The following STK31 variants were observed in gnomAD, a reference collection of about 807,000 sequenced individuals.
STK31 encodes serine/threonine-protein kinase 31.
A neutral mutation model predicts 129.7 loss-of-function variants in STK31; 89 were observed. That is an observed-to-expected ratio of 0.69 (90% CI 0.58 to 0.82). STK31 has a LOEUF of 0.82. Among genes scored for constraint, STK31 ranks in the 40% least tolerant of loss-of-function variants. The pLI, the probability that STK31 is intolerant of heterozygous loss-of-function variation, is 0.00. For missense variants in STK31, 1,187 were observed against 1,176.4 expected (o/e 1.01, Z -0.13); for synonymous variants, 448 against 395.3 (o/e 1.13, Z -1.58).
intron 6 of STK31, among the ~76,000 whole-genome samples, chr7:23,731,429 A>AT (rs1459485784): frequency 6.6e-6 from 1 of 152,016 alleles, no homozygotes; most frequent in Non-Finnish European, 1.5e-5. Context: ...TAAAGTTGTA[A>AT]TTTTTTCCTC....
chr7:23,815,460 T>C (rs1793412703), intron 23 of STK31, among the ~76,000 whole-genome samples: 1 of 152,184 alleles, frequency 6.6e-6, no homozygotes. Context: ...TATTGTTTAC[T>C]ATGTGTTTCA....
At chr7:23,807,646 C>T (rs1454844684) in intron 22 of STK31, among the ~76,000 whole-genome samples, 1 of 151,116 alleles carries the variant, frequency 6.6e-6, no homozygotes, top group African/African-American at 2.5e-5. Context: ...CCCACCCTTT[C>T]TCCTCTTTTT....
chr7:23,715,841 A>G (rs1050149056), intron 3 of STK31, among the ~76,000 whole-genome samples: 1 of 151,972 alleles, frequency 6.6e-6, no homozygotes, highest in African/African-American at 2.4e-5. Flanking sequence ...TTTTGTTGGT[A>G]TATTTCTTTA....
chr7:23,781,296 A>G (rs1387758037), intron 15 of STK31, 123 bp from the exon 16 acceptor site: 1 of 633,430 alleles, frequency 1.6e-6, no homozygotes, highest in Non-Finnish European at 2.7e-6. Context: ...AGGGTCTTTT[A>G]TGTGCTAGGT....
intron 15 of STK31, 51 bp from the exon 16 acceptor site, chr7:23,781,368 A>G: frequency 3.7e-6 from 5 of 1,356,626 alleles, no homozygotes; most frequent in Non-Finnish European, 5.2e-6. Context: ...TCTTAAAAGA[A>G]GACTTGTTTT....
intron 6 of STK31, among the ~76,000 whole-genome samples, chr7:23,731,695 A>C (rs986855128): frequency 2.6e-5 from 4 of 152,176 alleles, no homozygotes; most frequent in African/African-American, 7.2e-5. Flanking sequence ...TGATGCTCAG[A>C]ATGGTAGTTT....
chr7:23,745,961 T>G (rs1224914302), intron 8 of STK31, among the ~76,000 whole-genome samples: 1 of 152,228 alleles, frequency 6.6e-6, no homozygotes, highest in African/African-American at 2.4e-5. Flanking sequence ...TGGCTGTTCC[T>G]CTGCCGTAGG....
intron 22 of STK31, among the ~76,000 whole-genome samples, chr7:23,811,826 C>T (rs1793153980): frequency 6.6e-6 from 1 of 152,214 alleles, no homozygotes; most frequent in South Asian, 2.1e-4. Flanking sequence ...TGGCTTATTA[C>T]ATTCTAGTGA....
At chr7:23,739,454 C>T (rs1787923336) in intron 8 of STK31, among the ~76,000 whole-genome samples, 1 of 152,176 alleles carries the variant, frequency 6.6e-6, no homozygotes, top group African/African-American at 2.4e-5. Context: ...GTTTCTTTTG[C>T]TGTGCAGAGG....
chr7:23,720,749 C>G (rs1010843131), intron 4 of STK31, among the ~76,000 whole-genome samples: 2 of 152,118 alleles, frequency 1.3e-5, no homozygotes, highest in Non-Finnish European at 2.9e-5. Flanking sequence ...TGTAAAATTT[C>G]ATAAAATTTG....
At chr7:23,753,079 A>G (rs192321988) in intron 9 of STK31, among the ~76,000 whole-genome samples, 7 of 152,320 alleles carry the variant, frequency 4.6e-5, no homozygotes, top group Admixed American at 2.0e-4. Flanking sequence ...AAAAACAGCA[A>G]CATAGCTTTT....
At chr7:23,725,027 C>G (rs1242231211) in intron 4 of STK31, among the ~76,000 whole-genome samples, 1 of 152,178 alleles carries the variant, frequency 6.6e-6, no homozygotes, top group African/African-American at 2.4e-5. Flanking sequence ...TCCTAAGGAG[C>G]ATTTTTAGAC....
chr7:23,778,850 A>G (rs565483609), intron 15 of STK31, among the ~76,000 whole-genome samples: 1 of 152,206 alleles, frequency 6.6e-6, no homozygotes, highest in Non-Finnish European at 1.5e-5. Context: ...CATCAAACTC[A>G]TTCTCCATCC....
intron 15 of STK31, among the ~76,000 whole-genome samples, chr7:23,780,069 G>A (rs1052967974): frequency 7.9e-5 from 12 of 152,200 alleles, no homozygotes; most frequent in African/African-American, 2.2e-4. Flanking sequence ...AGTCCCTCAT[G>A]GCTTCCCTTG....
intron 23 of STK31, among the ~76,000 whole-genome samples, chr7:23,830,030 A>G (rs1794443493): frequency 6.6e-6 from 1 of 151,962 alleles, no homozygotes; most frequent in Non-Finnish European, 1.5e-5. Context: ...GCTCACTGCA[A>G]GCTCCGCCTC....
rs146941034 is a variant in STK31, at chr7:23,719,486, A to G, written c.249+1907A>G. 9.3e-3 allele frequency among the ~76,000 whole-genome samples: 1,411 copies of G among 152,266 alleles called. 9 individuals carry two copies. Among genetic ancestry groups the G allele is most frequent in the Non-Finnish European group, 0.015 (1,046 of 67,964 alleles). On this transcript the variant is annotated intron_variant, in intron 4 of 23. Coordinates refer to ENST00000355870, the MANE Select transcript of STK31 (RefSeq NM_031414.5). ...CTCCACAAGTTTTCCAGATATAAAC[A>G]TGTGGTCACCAGGAATTCAAGATTA... is the stretch of plus-strand genomic sequence containing the variant.
chr7:23,769,602 T>A, intron 12 of STK31, 38 bp from the exon 13 acceptor site: 1 of 1,355,900 alleles, frequency 7.4e-7, no homozygotes, highest in African/African-American at 1.4e-5. Flanking sequence ...CTGATTGAAT[T>A]AAATGAGATA....
At chr7:23,785,830 G>A (rs559068013) in intron 18 of STK31, among the ~76,000 whole-genome samples, 8 of 150,820 alleles carry the variant, frequency 5.3e-5, no homozygotes, top group Admixed American at 2.0e-4. Context: ...AACATCACCC[G>A]TGGGGGCCTG....
intron 22 of STK31, among the ~76,000 whole-genome samples, chr7:23,798,312 G>C (rs530729267): frequency 6.6e-6 from 1 of 152,158 alleles, no homozygotes; most frequent in South Asian, 2.1e-4. Flanking sequence ...GAAAATTTCA[G>C]GCCAATATCC....
Sources: allele counts gnomAD v4.1 joint callset (sites outside exome capture counted in the v4.1 genomes callset), GRCh38; gene constraint gnomAD v4.1.1; transcripts MANE v1.5; gene names NCBI Gene and HGNC (gene_info 2026-07-23, HGNC 2026-07-21).